INTS6: variants seen among roughly 807,000 people sequenced by gnomAD.
INTS6 encodes the protein DEAD box protein.
In INTS6, 16 loss-of-function variants were observed where a neutral mutation model predicts 104.9. That is an observed-to-expected ratio of 0.15 (90% CI 0.10 to 0.23). The LOEUF is 0.23. INTS6 is among the 10% of genes least tolerant of loss of function. The pLI is 1.00. For missense variants in INTS6, 584 were observed against 1,062.8 expected, an observed-to-expected ratio of 0.55 and a Z score of 6.26; for synonymous variants, 324 against 358.7, an observed-to-expected ratio of 0.90 and a Z score of 1.09.
At chr13:51,399,573 A>T (rs1956398807) in intron 4 of INTS6, among the ~76,000 whole-genome samples, 1 of 152,190 alleles carries the variant, frequency 6.6e-6, no homozygotes, top group African/African-American at 2.4e-5. Context: ...GTTTACTTTC[A>T]TCAGATACTG....
chr13:51,405,850 C>A (rs1956552932), intron 4 of INTS6, among the ~76,000 whole-genome samples: 1 of 152,096 alleles, frequency 6.6e-6, no homozygotes, highest in Non-Finnish European at 1.5e-5. Context: ...GTAACAAACT[C>A]ACAAATTCTT....
intron 5 of INTS6, among the ~76,000 whole-genome samples, chr13:51,394,266 G>A (rs4409985): frequency 0.67 from 101,573 of 151,996 alleles, 35,473 homozygotes; most frequent in African/African-American, 0.88. Context: ...AAGGCATTAC[G>A]AAAGTTCACA....
At position 51,364,751 on chromosome 13, in the gene INTS6, A is replaced by G. The variant is rs1216640817; in HGVS notation, c.*1001T>C. ...AGTGTGAGAACAGCAGAGCAGAACA[A>G]GGAGGCCTCCAATTTGTTGTGGGCT... On this transcript the variant is annotated 3_prime_UTR_variant, in exon 18 of 18. Transcript: ENST00000311234. 6.5e-6 allele frequency: 1 copy of G among 152,776 alleles called. No individual in the cohort carries two copies. Among genetic ancestry groups the G allele is most frequent in the Non-Finnish European group, 1.5e-5 (1 of 68,338 alleles). 9.5% of individuals were successfully genotyped at this position (152,776 alleles called of 1,614,324 possible). A position where few individuals can be genotyped will look rare whatever the true frequency, so the allele number is the denominator to read the frequency against.
intron 4 of INTS6, among the ~76,000 whole-genome samples, chr13:51,417,753 G>A (rs182705224): frequency 6.6e-5 from 10 of 152,106 alleles, no homozygotes; most frequent in East Asian, 1.9e-4. Context: ...TACTGCACCC[G>A]GCCAGAAAAT....
intron 3 of INTS6, 98 bp downstream of exon 3, chr13:51,450,927 T>G: frequency 7.3e-7 from 1 of 1,376,412 alleles, no homozygotes; most frequent in South Asian, 2.2e-5. Flanking sequence ...TTTGGAATGT[T>G]TTATACTTGC....
At chr13:51,379,650 T>G (rs1324897409) in intron 10 of INTS6, 78 bp from the exon 11 acceptor site, 1 of 715,436 alleles carries the variant, frequency 1.4e-6, no homozygotes, top group Non-Finnish European at 2.2e-6. Context: ...TGTCTTAAAA[T>G]TTTCTCCAAA....
intron 3 of INTS6, chr13:51,450,130 C>T (rs1953004475): frequency 1.0e-6 from 1 of 984,924 alleles, no homozygotes; most frequent in African/African-American, 1.7e-5. Flanking sequence ...GAAAATACAA[C>T]ATATACCCAA....
chr13:51,408,872 A>C (rs1362939288), intron 4 of INTS6, among the ~76,000 whole-genome samples: 1 of 152,194 alleles, frequency 6.6e-6, no homozygotes, highest in Non-Finnish European at 1.5e-5. Flanking sequence ...TTAAATTCTA[A>C]GGTGTATCAT....
rs1449407130 is a variant in INTS6 at position 51,383,476 on chromosome 13, C to T, written c.1048-15G>A. On this transcript the variant is annotated splice_polypyrimidine_tract_variant and intron_variant, in intron 8 of 17. Transcript: ENST00000311234. ...CTCACGTACACCTGTTAAAAAGGAG[C>T]GGTTAAAACTTTAATAACCTTTAAA... The T allele has an allele frequency of 3.7e-6, 6 of 1,608,428 alleles. No homozygotes were observed. The highest frequency in any genetic ancestry group is 1.7e-5 in the Admixed American group (1 of 58,816).
At chr13:51,430,816 G>A (rs1192996701) in intron 3 of INTS6, among the ~76,000 whole-genome samples, 1 of 152,036 alleles carries the variant, frequency 6.6e-6, no homozygotes, top group African/African-American at 2.4e-5. Context: ...ATTACCACAA[G>A]GTATGCATGT....
At chr13:51,403,519 T>C (rs892434606) in intron 4 of INTS6, among the ~76,000 whole-genome samples, 19 of 137,996 alleles carry the variant, frequency 1.4e-4, no homozygotes, top group Admixed American at 6.5e-4. Flanking sequence ...GAGGTGGAGG[T>C]TGCAGTGAGC....
At chr13:51,377,860 A>G (rs1955964725) in intron 12 of INTS6, among the ~76,000 whole-genome samples, 1 of 152,136 alleles carries the variant, frequency 6.6e-6, no homozygotes. Flanking sequence ...GGCTGCTGGG[A>G]TAAAGATATC....
chr13:51,350,240 G>A (rs534147127), downstream of INTS6, among the ~76,000 whole-genome samples: 6 of 152,072 alleles, frequency 3.9e-5, no homozygotes, highest in Non-Finnish European at 7.4e-5. Context: ...GATTCTGGAC[G>A]AATTATGGTG....
intron 4 of INTS6, among the ~76,000 whole-genome samples, chr13:51,413,387 G>A (rs2138041351): frequency 6.6e-6 from 1 of 152,178 alleles, no homozygotes; most frequent in East Asian, 1.9e-4. Flanking sequence ...AGAAGAATTA[G>A]GGGTCTCTCC....
chr13:51,350,759 A>G (rs1955396077), downstream of INTS6, among the ~76,000 whole-genome samples: 1 of 152,142 alleles, frequency 6.6e-6, no homozygotes, highest in African/African-American at 2.4e-5. Context: ...CATCACCTCA[A>G]AAAGAAACCC....
At chr13:51,406,383 A>G (rs934777738) in intron 4 of INTS6, among the ~76,000 whole-genome samples, 2 of 150,790 alleles carry the variant, frequency 1.3e-5, no homozygotes, top group Non-Finnish European at 2.9e-5. Flanking sequence ...GTCCTCTTCC[A>G]ATATTCCCTA....
downstream of INTS6, among the ~76,000 whole-genome samples, chr13:51,358,447 AC>A (rs1593648422): frequency 6.6e-6 from 1 of 152,312 alleles, no homozygotes; most frequent in East Asian, 1.9e-4. Flanking sequence ...GTGTCCACCA[AC>A]AAAGCACTGA....
chr13:51,380,359 G>T (rs887548775), intron 10 of INTS6, among the ~76,000 whole-genome samples: 1 of 152,116 alleles, frequency 6.6e-6, no homozygotes, highest in African/African-American at 2.4e-5. Flanking sequence ...CCAGAAAAAG[G>T]ATGATAATCA....
At chr13:51,434,844 T>A (rs866570459) in intron 3 of INTS6, among the ~76,000 whole-genome samples, 36 of 152,224 alleles carry the variant, frequency 2.4e-4, no homozygotes, top group Admixed American at 1.4e-3. Context: ...GCCAGTATTG[T>A]TTTTTGTCAT....
Sources: allele counts gnomAD v4.1 joint callset (sites outside exome capture counted in the v4.1 genomes callset), GRCh38; gene constraint gnomAD v4.1.1; transcripts MANE v1.5; gene names NCBI Gene and HGNC (gene_info 2026-07-23, HGNC 2026-07-21).